The following NDUFA12 variants were observed in gnomAD, a reference collection of about 807,000 sequenced individuals.
NDUFA12 encodes NADH:ubiquinone oxidoreductase subunit A12.
In NDUFA12, 17 loss-of-function variants were observed where a neutral mutation model predicts 20.3. That is an observed-to-expected ratio of 0.84 (90% CI 0.57 to 1.26). NDUFA12 has a LOEUF of 1.26. Among genes scored for constraint, NDUFA12 ranks in the 50% most tolerant of loss-of-function variants. The pLI is 0.00. For missense variants in NDUFA12, 191 were observed against 183.7 expected (o/e 1.04, Z -0.23); for synonymous variants, 72 against 63.6 (o/e 1.13, Z -0.63).
At chr12:94,977,563 T>C (rs1874099823) in intron 3 of NDUFA12, among the ~76,000 whole-genome samples, 1 of 152,236 alleles carries the variant, frequency 6.6e-6, no homozygotes, top group South Asian at 2.1e-4. Context: ...AAGGACAGGT[T>C]GAAATTGCAA....
chr12:94,983,331 T>C (rs552124127), intron 3 of NDUFA12, among the ~76,000 whole-genome samples: 12 of 152,128 alleles, frequency 7.9e-5, no homozygotes, highest in South Asian at 2.1e-4. Context: ...TTCTAATAAA[T>C]AGACAACTGA....
rs150557232 is a variant in NDUFA12, at chr12:95,003,624, A to C, written c.57T>G (p.Gly19=). ...AAAAAACCCGTAGATAGCCTCGGAG[A>C]CCGCCGTGGCCGGTGATCTGCTGCA... The part of the protein sequence containing the change: ...RGLQQITGHG[G]LRGYLRVFFR... Residue 19 remains glycine (G), a synonymous_variant, in exon 1 of 4, where the codon GGT becomes GGG. Transcript: ENST00000327772. 2 of 1,614,084 alleles carry C rather than the reference A, an allele frequency of 1.2e-6. No individual in the cohort carries two copies. Among genetic ancestry groups the C allele is most frequent in the Admixed American group, 3.3e-5 (2 of 60,014 alleles).
intron 2 of NDUFA12, among the ~76,000 whole-genome samples, chr12:94,996,269 A>T (rs1366978952): frequency 6.6e-6 from 1 of 151,754 alleles, no homozygotes; most frequent in Non-Finnish European, 1.5e-5. Context: ...TTGCAAAATT[A>T]TAAGGGGAGG....
chr12:94,972,513 T>C (rs1356725643), intron 3 of NDUFA12: 4 of 446,174 alleles, frequency 9.0e-6, no homozygotes, highest in Non-Finnish European at 1.4e-5. Flanking sequence ...CCTGATGCAT[T>C]GTAAATTCAA....
intron 3 of NDUFA12, among the ~76,000 whole-genome samples, chr12:94,978,341 T>TGCCTTG (rs1874125686): frequency 6.6e-6 from 1 of 152,154 alleles, no homozygotes; most frequent in Non-Finnish European, 1.5e-5. Context: ...TGGACTAGGG[T>TGCCTTG]AACAGTCATA....
At chr12:94,998,579 A>C (rs755710493) in intron 2 of NDUFA12, among the ~76,000 whole-genome samples, 1 of 152,172 alleles carries the variant, frequency 6.6e-6, no homozygotes. Context: ...TATCTAGAAA[A>C]ACTTAAAGAC....
chr12:94,973,810 T>C (rs1030056405), intron 3 of NDUFA12, among the ~76,000 whole-genome samples: 1 of 152,140 alleles, frequency 6.6e-6, no homozygotes, highest in Non-Finnish European at 1.5e-5. Context: ...ATACCCATTA[T>C]GGCAGTTTAT....
chr12:94,981,250 C>G (rs999820831), intron 3 of NDUFA12, among the ~76,000 whole-genome samples: 2 of 149,754 alleles, frequency 1.3e-5, no homozygotes, highest in African/African-American at 2.5e-5. Flanking sequence ...GGCAACATGG[C>G]AAAACACTGT....
At chr12:94,975,307 C>T (rs1874031567) in intron 3 of NDUFA12, among the ~76,000 whole-genome samples, 1 of 151,912 alleles carries the variant, frequency 6.6e-6, no homozygotes, top group South Asian at 2.1e-4. Flanking sequence ...CAATAGAAAA[C>T]TGGACAAAAA....
intron 3 of NDUFA12, among the ~76,000 whole-genome samples, chr12:94,990,277 A>AC (rs1289166703): frequency 7.3e-5 from 11 of 150,070 alleles, no homozygotes; most frequent in Admixed American, 6.0e-4. Flanking sequence ...TGTGGAAAAA[A>AC]AAAAAACAAA....
At chr12:94,987,329 A>C (rs1874478785) in intron 3 of NDUFA12, among the ~76,000 whole-genome samples, 2 of 152,240 alleles carry the variant, frequency 1.3e-5, no homozygotes, top group South Asian at 4.1e-4. Flanking sequence ...TTGAGGAACC[A>C]ATCAAGTGTG....
chr12:94,975,623 T>A (rs1874041498), intron 3 of NDUFA12, among the ~76,000 whole-genome samples: 1 of 152,168 alleles, frequency 6.6e-6, no homozygotes, highest in African/African-American at 2.4e-5. Context: ...TGAATACTCA[T>A]GTACAAGGAT....
chr12:94,975,769 C>A (rs1874045616), intron 3 of NDUFA12, among the ~76,000 whole-genome samples: 1 of 152,184 alleles, frequency 6.6e-6, no homozygotes, highest in Non-Finnish European at 1.5e-5. Flanking sequence ...AATATTTTGG[C>A]CAGGTATGGT....
intron 2 of NDUFA12, among the ~76,000 whole-genome samples, chr12:94,998,565 T>TA (rs1374432862): frequency 6.6e-6 from 1 of 152,268 alleles, no homozygotes; most frequent in South Asian, 2.1e-4. Context: ...ATGATAGGAT[T>TA]ATATATCTAG....
rs796873311 is a variant in NDUFA12 at position 94,987,803 on chromosome 12, AAAAAAAAAAAAAAG to A, written c.257+6353_257+6366del. On this transcript the variant is annotated intron_variant, in intron 3 of 3. Transcript: ENST00000327772. ...CAGGACATTGTCTCAAAAAAAAAAAAAAAAAAAAAAAAAGGTAAAGAAAAACAGCAGGCACAAGA... is the reference window on the plus strand; with the variant it reads ...CAGGACATTGTCTCAAAAAAAAAAAAGTAAAGAAAAACAGCAGGCACAAGA... Among the ~76,000 whole-genome samples, 20 of 128,434 alleles carry A rather than the reference AAAAAAAAAAAAAAG, an allele frequency of 1.6e-4. No individual in the cohort carries two copies. The East Asian group carries it at 2.4e-3, about 16-fold the overall frequency. The allele number at this position is 128,434 out of a possible 152,430, so 84.3% of individuals were successfully genotyped here. A position where few individuals can be genotyped will look rare whatever the true frequency, so the allele number is the denominator to read the frequency against.
At chr12:94,986,866 G>T (rs1455590363) in intron 3 of NDUFA12, among the ~76,000 whole-genome samples, 6 of 140,232 alleles carry the variant, frequency 4.3e-5, no homozygotes, top group African/African-American at 1.6e-4. Flanking sequence ...AGCTTGAATG[G>T]GTTCCAACTA....
intron 3 of NDUFA12, among the ~76,000 whole-genome samples, chr12:94,979,677 A>G (rs1025236733): frequency 4.6e-5 from 7 of 151,782 alleles, no homozygotes; most frequent in African/African-American, 1.7e-4. Context: ...TAAAAAAAAA[A>G]ATACAAAAAT....
At chr12:94,976,853 T>C (rs956478767) in intron 3 of NDUFA12, among the ~76,000 whole-genome samples, 1 of 152,190 alleles carries the variant, frequency 6.6e-6, no homozygotes, top group African/African-American at 2.4e-5. Context: ...ACATTCCACA[T>C]ATGGAATTTT....
At chr12:94,982,965 C>T (rs1465483847) in intron 3 of NDUFA12, among the ~76,000 whole-genome samples, 1 of 152,090 alleles carries the variant, frequency 6.6e-6, no homozygotes. Flanking sequence ...AAACCAAAAT[C>T]CTATCTCCAG....
Sources: gnomAD v4.1 joint callset for allele counts (sites outside exome capture counted in the v4.1 genomes callset) on GRCh38, gnomAD v4.1.1 for gene constraint, MANE v1.5 for transcripts, NCBI Gene and HGNC (gene_info 2026-07-23, HGNC 2026-07-21) for gene names.